Variants in SGK3 observed in about 807,000 individuals in gnomAD.
SGK3 encodes serine/threonine-protein kinase Sgk3.
A neutral mutation model predicts 68.5 loss-of-function variants in SGK3; 47 were observed. The ratio of observed to expected loss-of-function variants is 0.69; its 90% CI spans 0.54 to 0.87. The LOEUF is 0.87. SGK3 is among the 40% of genes least tolerant of loss of function. The pLI is 0.00. For synonymous variants in SGK3, 181 were observed against 189.1 expected (o/e 0.96, Z 0.35); for missense variants, 479 against 575.5 (o/e 0.83, Z 1.72).
At chr8:66,721,279 G>A (rs191796128) in intron 1 of SGK3, among the ~76,000 whole-genome samples, 8 of 152,326 alleles carry the variant, frequency 5.3e-5, no homozygotes, top group Non-Finnish European at 1.0e-4. Context: ...AACACACAGT[G>A]TATAGCAGGT....
At chr8:66,833,622 G>A (rs989028338) in intron 8 of SGK3, among the ~76,000 whole-genome samples, 4 of 152,150 alleles carry the variant, frequency 2.6e-5, no homozygotes, top group Admixed American at 1.3e-4. Context: ...TGTCAAATCC[G>A]TGACCATGGT....
At chr8:66,849,949 T>C (rs1810200870) in intron 15 of SGK3, among the ~76,000 whole-genome samples, 1 of 152,224 alleles carries the variant, frequency 6.6e-6, no homozygotes, top group Non-Finnish European at 1.5e-5. Context: ...GAAAAACCAG[T>C]TGTGACATTC....
chr8:66,746,808 A>G (rs980230632), intron 1 of SGK3, among the ~76,000 whole-genome samples: 3 of 151,658 alleles, frequency 2.0e-5, no homozygotes, highest in Admixed American at 2.0e-4. Flanking sequence ...TGATCCTCCC[A>G]CCTTTGTCTC....
chr8:66,828,274 T>C (rs60434307), intron 6 of SGK3, among the ~76,000 whole-genome samples: 3,110 of 152,234 alleles, frequency 0.02, 110 homozygotes, highest in African/African-American at 0.07. Context: ...ATAAACTGTT[T>C]GAAAACTTGA....
At chr8:66,757,847 G>A (rs1806027237) in intron 1 of SGK3, among the ~76,000 whole-genome samples, 1 of 150,276 alleles carries the variant, frequency 6.7e-6, no homozygotes. Context: ...CCCAGAAGGT[G>A]GAGGTTGTAG....
chr8:66,850,274 C>T (rs1415447492), intron 15 of SGK3, among the ~76,000 whole-genome samples: 1 of 152,212 alleles, frequency 6.6e-6, no homozygotes, highest in Non-Finnish European at 1.5e-5. Context: ...TAGGTTGGAT[C>T]CTACTTTATA....
chr8:66,808,673 T>C (rs553928070), intron 4 of SGK3, among the ~76,000 whole-genome samples: 2 of 151,050 alleles, frequency 1.3e-5, no homozygotes, highest in African/African-American at 4.9e-5. Flanking sequence ...CCACCACACC[T>C]GGTTAATTTT....
At chr8:66,732,812 T>C (rs1248099269) in intron 1 of SGK3, among the ~76,000 whole-genome samples, 1 of 152,112 alleles carries the variant, frequency 6.6e-6, no homozygotes, top group African/African-American at 2.4e-5. Context: ...GCCACTGCAC[T>C]CCAGCGTGGG....
At chr8:66,725,629 G>GT (rs1804964925) in intron 1 of SGK3, among the ~76,000 whole-genome samples, 1 of 151,682 alleles carries the variant, frequency 6.6e-6, no homozygotes, top group Admixed American at 6.6e-5. Context: ...GTAAAGTTGT[G>GT]TTTTAATTTT....
intron 11 of SGK3, 43 bp from the exon 12 acceptor site, chr8:66,840,168 G>T: frequency 6.3e-7 from 1 of 1,597,192 alleles, no homozygotes; most frequent in South Asian, 1.1e-5. Flanking sequence ...ATTTTATTTC[G>T]GTTTGTATTC....
intron 1 of SGK3, among the ~76,000 whole-genome samples, chr8:66,724,515 G>A (rs1434984447): frequency 6.6e-6 from 1 of 152,194 alleles, no homozygotes; most frequent in African/African-American, 2.4e-5. Flanking sequence ...GGTGGAGGTT[G>A]CAGTGAGCTG....
intron 1 of SGK3, among the ~76,000 whole-genome samples, chr8:66,783,443 C>T (rs917154439): frequency 3.9e-5 from 6 of 152,084 alleles, no homozygotes; most frequent in African/African-American, 1.4e-4. Flanking sequence ...ATGGATTATG[C>T]CTTTGGTGTA....
chr8:66,767,436 A>C, intron 1 of SGK3: 1 of 1,381,804 alleles, frequency 7.2e-7, no homozygotes. Context: ...GCAATTCAAC[A>C]TCCAGGGTCA....
chr8:66,830,633 A>G (rs180941877), intron 7 of SGK3, among the ~76,000 whole-genome samples: 6 of 152,350 alleles, frequency 3.9e-5, no homozygotes, highest in Admixed American at 2.0e-4. Context: ...TTAAGTTAAC[A>G]TAAATAAAAG....
chr8:66,766,763 TTG>T (rs1806332220), intron 1 of SGK3, among the ~76,000 whole-genome samples: 1 of 152,216 alleles, frequency 6.6e-6, no homozygotes, highest in African/African-American at 2.4e-5. Context: ...TCTTGATAAA[TTG>T]GCCCCTTTAC....
chr8:66,779,590 AT>A lies in SGK3; in HGVS notation c.-121-14025del, dbSNP rs1563623023. On this transcript the variant is annotated intron_variant, in intron 1 of 16. Coordinates refer to ENST00000521198, the MANE Select transcript of SGK3 (RefSeq NM_001033578.3). The stretch of plus-strand genomic sequence containing the variant: ...TATATATATATATATATATATATAT[AT>A]ATATATATATAAAACACATTTTTTA... 2.0e-3 allele frequency among the ~76,000 whole-genome samples: 279 copies of A among 136,860 alleles called. 2 individuals are homozygous for A. Among genetic ancestry groups the A allele is most frequent in the African/African-American group, 6.1e-3 (228 of 37,268 alleles). 89.8% of individuals were successfully genotyped at this position (136,860 alleles called of 152,430 possible).
In SGK3 at chr8:66,770,205, C is replaced by T. The variant is rs570478280; in HGVS notation, c.-121-23411C>T. ...TCGTGACCTCGTGATCCGCCTGCCT[C>T]GGCCTCCCAAAGTGCTGGGATTACA... On this transcript the variant is annotated intron_variant, in intron 1 of 16. Coordinates refer to ENST00000521198, the MANE Select transcript of SGK3 (RefSeq NM_001033578.3). Among the ~76,000 whole-genome samples, 159 of 152,242 alleles carry T rather than the reference C, an allele frequency of 1.0e-3. 1 individual carries two copies. The highest frequency in any genetic ancestry group is 3.7e-3 in the African/African-American group (152 of 41,544).
intron 7 of SGK3, 151 bp downstream of exon 7, chr8:66,828,854 T>C: frequency 6.2e-6 from 6 of 974,222 alleles, no homozygotes; most frequent in Non-Finnish European, 9.1e-6. Flanking sequence ...CATATGCTTG[T>C]ATGCTCCAGC....
intron 1 of SGK3, among the ~76,000 whole-genome samples, chr8:66,724,166 G>T (rs1008212382): frequency 1.3e-5 from 2 of 152,182 alleles, no homozygotes; most frequent in Non-Finnish European, 2.9e-5. Flanking sequence ...TAGAGACAGG[G>T]TCTAGTGAGG....
Sources: gnomAD v4.1 joint callset for allele counts (sites outside exome capture counted in the v4.1 genomes callset) on GRCh38, gnomAD v4.1.1 for gene constraint, MANE v1.5 for transcripts, NCBI Gene and HGNC (gene_info 2026-07-23, HGNC 2026-07-21) for gene names.